ATRX: variants seen among roughly 807,000 people sequenced by gnomAD.
ATRX encodes ATRX chromatin remodeler.
ATRX carries 12 observed loss-of-function variants against 172.6 expected under a neutral mutation model. That is an observed-to-expected ratio of 0.07 (90% CI 0.04 to 0.11). ATRX has a LOEUF of 0.11. Among genes scored for constraint, ATRX ranks in the 10% least tolerant of loss-of-function variants. The probability of loss-of-function intolerance (pLI) is 1.00; values close to 1 mark genes in which losing one functional copy is unlikely to be tolerated. For missense variants in ATRX, 1,368 were observed against 1,767.4 expected (o/e 0.77, Z 4.05); for synonymous variants, 674 against 594.7 (o/e 1.13, Z -1.94).
chrX:77,692,553 C>T (rs1403904581), intron 6 of ATRX, among the ~76,000 whole-genome samples: 1 of 111,911 alleles, frequency 8.9e-6, no homozygotes, highest in Non-Finnish European at 1.9e-5. Flanking sequence ...TAAAAATCCA[C>T]ACAAAATTTC....
At chrX:77,741,404 T>C (rs193062501) in intron 1 of ATRX, among the ~76,000 whole-genome samples, 1 of 108,727 alleles carries the variant, frequency 9.2e-6, no homozygotes, top group Admixed American at 9.9e-5. Flanking sequence ...TTCTGAGTTG[T>C]CTTTCTTTTT....
chrX:77,683,911 G>C lies in ATRX; in HGVS notation c.1345C>G (p.Pro449Ala), dbSNP rs1557141862. 3.3e-6 allele frequency: 4 copies of C among 1,207,539 alleles called. No individual in the cohort carries two copies. The African/African-American group carries it at 5.2e-5, about 16-fold the overall frequency. ...ATATCCTTCTTTTCCAAAGCACAAG[G>C]TTTTTCTCCTTTTCGTGCTTTTGTT... ...FETKARKGEK[P>A]CALEKKDISK... is the part of the protein sequence containing the mutation. The change falls in exon 9 of 35, where the codon CCT (proline) becomes GCT (alanine). Residue 449 changes from proline (P) to alanine (A), a missense_variant. Physicochemically the swap from Pro to Ala is conservative, Grantham distance 27. Around this residue, in one of 17 missense-constraint regions of ATRX, gnomAD observed 843 missense variants for 643.1 expected, o/e 1.31. Coordinates refer to ENST00000373344, the MANE Select transcript of ATRX (RefSeq NM_000489.6).
At chrX:77,781,327 G>A (rs927735971) in intron 1 of ATRX, among the ~76,000 whole-genome samples, 2 of 107,646 alleles carry the variant, frequency 1.9e-5, no homozygotes, top group South Asian at 4.1e-4. Flanking sequence ...CTGTAGTCCC[G>A]GCTACTCGGG....
intron 19 of ATRX, among the ~76,000 whole-genome samples, chrX:77,626,079 A>C (rs1359185104): frequency 3.5e-5 from 2 of 57,217 alleles, no homozygotes; most frequent in African/African-American, 1.4e-4. Context: ...ATATATATAT[A>C]TATATGATGG....
intron 1 of ATRX, among the ~76,000 whole-genome samples, chrX:77,736,144 C>G (rs1199057080): frequency 2.7e-5 from 3 of 111,738 alleles, no homozygotes; most frequent in Non-Finnish European, 5.6e-5. Context: ...ACTCTCTAGG[C>G]CATTAGTCTG....
chrX:77,624,135 G>GA (rs2067713798), intron 19 of ATRX, among the ~76,000 whole-genome samples: 1 of 111,560 alleles, frequency 9.0e-6, no homozygotes, highest in African/African-American at 3.3e-5. Flanking sequence ...GGGAGGCTGA[G>GA]CGGGCAGATC....
intron 2 of ATRX, chrX:77,699,001 G>A: frequency 6.1e-6 from 1 of 165,244 alleles, no homozygotes; most frequent in Non-Finnish European, 1.1e-5. Context: ...GGGAAAATAA[G>A]AGCAAACTAA....
chrX:77,699,029 G>A lies in ATRX; in HGVS notation c.134-400C>T. 6 of 148,291 alleles carry A rather than the reference G, an allele frequency of 4.0e-5. No individual in the cohort carries two copies. In the East Asian group the frequency reaches 6.4e-4, roughly 16 times the overall value. 12.2% of individuals were successfully genotyped at this position (148,291 alleles called of 1,213,427 possible). A position where few individuals can be genotyped will look rare whatever the true frequency, so the allele number is the denominator to read the frequency against. The stretch of plus-strand genomic sequence containing the variant: ...CAAACTAAACCAAAATCAAGGAGAA[G>A]GAAATAATAAAGATTATGGCAGAAA... On this transcript the variant is annotated intron_variant, in intron 2 of 34. Coordinates refer to ENST00000373344, the MANE Select transcript of ATRX (RefSeq NM_000489.6).
chrX:77,681,692 G>A lies in ATRX; in HGVS notation c.3564C>T (p.Ser1188=), dbSNP rs1428207455. The A allele has an allele frequency of 3.3e-6, 4 of 1,206,067 alleles. No individual in the cohort carries two copies. Among genetic ancestry groups the A allele is most frequent in the Non-Finnish European group, 4.5e-6 (4 of 894,160 alleles). The part of the protein sequence containing the change: ...AVIVKEKKRN[S]LRTSTKRKQA... ...GCTTCCTTTTAGTGCTTGTTCTTAG[G>A]GAGTTTCTCTTTTTCTCCTTGACAA... The change falls in exon 9 of 35, where the codon TCC becomes TCT. Residue 1188 remains serine (S), a synonymous_variant. Coordinates refer to ENST00000373344, the MANE Select transcript of ATRX (RefSeq NM_000489.6).
At position 77,599,547 on chromosome X, in the gene ATRX, A is replaced by G. The variant is rs2148144698; in HGVS notation, c.5820T>C (p.Asp1940=). Residue 1940 remains aspartate (D), a synonymous_variant, in exon 25 of 35, where the codon GAT becomes GAC. Transcript: ENST00000373344. ...CACTGCCACTTCCACTTGAGCTACT[A>G]TCTTTTTTCCCCTTTTTCCCTTTTT... ...KKKKGKKGKK[D]SSSSGSGSDN... is the part of the protein sequence containing the mutation. 2.5e-6 allele frequency: 3 copies of G among 1,210,171 alleles called. No individual in the cohort carries two copies. The highest frequency in any genetic ancestry group is 3.4e-6 in the Non-Finnish European group (3 of 895,097).
chrX:77,712,254 T>C (rs2073148547), intron 2 of ATRX, among the ~76,000 whole-genome samples: 1 of 111,992 alleles, frequency 8.9e-6, no homozygotes, highest in Non-Finnish European at 1.9e-5. Context: ...TTGACTCCCC[T>C]CCAGTTTATC....
At chrX:77,574,981 T>C (rs1901001510) in intron 27 of ATRX, among the ~76,000 whole-genome samples, 2 of 109,122 alleles carry the variant, frequency 1.8e-5, no homozygotes, top group Admixed American at 2.0e-4. Context: ...TTTTTTTTCC[T>C]TTAATCTACA....
chrX:77,604,295 C>CACAAA (rs1179139203), intron 22 of ATRX, among the ~76,000 whole-genome samples: 1 of 111,935 alleles, frequency 8.9e-6, no homozygotes, highest in Non-Finnish European at 1.9e-5. Context: ...CAAACAACAA[C>CACAAA]ACAAAACAAA....
intron 22 of ATRX, chrX:77,616,403 G>A (rs1602857467): frequency 9.2e-7 from 1 of 1,090,259 alleles, no homozygotes; most frequent in East Asian, 3.6e-5. Context: ...CATATGTGCT[G>A]TATATCTTTT....
At chrX:77,653,920 GATA>G (rs1374462155) in intron 14 of ATRX, among the ~76,000 whole-genome samples, 175 bp downstream of exon 14, 2 of 111,541 alleles carry the variant, frequency 1.8e-5, no homozygotes, top group Non-Finnish European at 3.8e-5. Flanking sequence ...AGAAAAAAAT[GATA>G]ATGTCAAATC....
chrX:77,734,478 T>C (rs1400856296), intron 1 of ATRX, among the ~76,000 whole-genome samples: 1 of 111,218 alleles, frequency 9.0e-6, no homozygotes, highest in Non-Finnish European at 1.9e-5. Flanking sequence ...TGGATATCCA[T>C]ATACGGAAGA....
chrX:77,688,936 A>G lies in ATRX; in HGVS notation c.485-9T>C. The G allele has an allele frequency of 8.7e-7, 1 of 1,151,076 alleles. No individual in the cohort carries two copies. Among genetic ancestry groups the G allele is most frequent in the Non-Finnish European group, 1.2e-6 (1 of 840,935 alleles). The allele number at this position is 1,151,076 out of a possible 1,213,427, so 94.9% of individuals were successfully genotyped here. A position where few individuals can be genotyped will look rare whatever the true frequency, so the allele number is the denominator to read the frequency against. On this transcript the variant is annotated splice_polypyrimidine_tract_variant and intron_variant, in intron 6 of 34. Coordinates refer to ENST00000373344, the MANE Select transcript of ATRX (RefSeq NM_000489.6). ...CCCATGAAGCCCATCTTCTAGGAGAAAGGAGTGGCTATTATTCACACATTT... is the reference window on the plus strand; with the variant it reads ...CCCATGAAGCCCATCTTCTAGGAGAGAGGAGTGGCTATTATTCACACATTT...
chrX:77,745,814 A>G (rs912917812), intron 1 of ATRX, among the ~76,000 whole-genome samples: 1 of 111,812 alleles, frequency 8.9e-6, no homozygotes, highest in Non-Finnish European at 1.9e-5. Flanking sequence ...AGAAAGGATA[A>G]ATGCTTGGTG....
intron 22 of ATRX, among the ~76,000 whole-genome samples, chrX:77,605,490 T>TA (rs1349624845): frequency 1.7e-4 from 19 of 108,576 alleles, no homozygotes; most frequent in East Asian, 2.9e-4. Flanking sequence ...TAAGTAGTAA[T>TA]AAAAAAAAAC....
Sources: gnomAD v4.1 joint callset for allele counts (sites outside exome capture counted in the v4.1 genomes callset) on GRCh38, gnomAD v4.1.1 for gene constraint, gnomAD v4.1.1 regional missense constraint, MANE v1.5 for transcripts, NCBI Gene and HGNC (gene_info 2026-07-23, HGNC 2026-07-21) for gene names.